PDSS2: variants seen among roughly 807,000 people sequenced by gnomAD.
PDSS2 encodes decaprenyl diphosphate synthase subunit 2, also known as all trans-polyprenyl-diphosphate synthase PDSS2.
PDSS2 carries 31 observed loss-of-function variants against 44.5 expected under a neutral mutation model. The ratio of observed to expected loss-of-function variants is 0.70; its 90% CI spans 0.52 to 0.94. The LOEUF is 0.94. Among genes scored for constraint, PDSS2 ranks in the 40% least tolerant of loss-of-function variants. The probability of loss-of-function intolerance (pLI) is 0.00; values close to 1 mark genes in which losing one functional copy is unlikely to be tolerated. For missense variants in PDSS2, 452 were observed against 482.2 expected, an observed-to-expected ratio of 0.94 and a Z score of 0.59; for synonymous variants, 157 against 180.3, an observed-to-expected ratio of 0.87 and a Z score of 1.03.
chr6:107,363,612 G>C (rs1778854474), intron 1 of PDSS2, among the ~76,000 whole-genome samples: 1 of 152,208 alleles, frequency 6.6e-6, no homozygotes, highest in Admixed American at 6.5e-5. Context: ...AGTAGCAAGA[G>C]TTATTGCAAA....
chr6:107,319,007 T>TAC (rs139943860), intron 2 of PDSS2, among the ~76,000 whole-genome samples: 101,632 of 147,346 alleles, frequency 0.69, 36,088 homozygotes, highest in Middle Eastern at 0.78. Context: ...TATATATATA[T>TAC]ACACACACAC....
At chr6:107,203,852 T>C (rs1249976119) in intron 6 of PDSS2, among the ~76,000 whole-genome samples, 1 of 152,110 alleles carries the variant, frequency 6.6e-6, no homozygotes, top group Non-Finnish European at 1.5e-5. Flanking sequence ...ACCAGTCTTT[T>C]TTCTGTCTCT....
At chr6:107,321,116 A>G (rs188442095) in intron 2 of PDSS2, among the ~76,000 whole-genome samples, 194 of 152,352 alleles carry the variant, frequency 1.3e-3, no homozygotes, top group Non-Finnish European at 2.1e-3. Context: ...AGAAAACTCT[A>G]TATGTGTTAG....
At chr6:107,246,490 A>G (rs1260059492) in intron 3 of PDSS2, among the ~76,000 whole-genome samples, 1 of 152,212 alleles carries the variant, frequency 6.6e-6, no homozygotes, top group Non-Finnish European at 1.5e-5. Context: ...GCAGTCCTGT[A>G]TCAGATTTCC....
intron 3 of PDSS2, among the ~76,000 whole-genome samples, chr6:107,262,447 G>C (rs1165936773): frequency 6.6e-6 from 1 of 151,998 alleles, no homozygotes; most frequent in Non-Finnish European, 1.5e-5. Flanking sequence ...AGAAACATCA[G>C]AGGAAAGCAA....
chr6:107,275,110 A>T (rs986780822), intron 2 of PDSS2, among the ~76,000 whole-genome samples: 1 of 152,186 alleles, frequency 6.6e-6, no homozygotes, highest in Non-Finnish European at 1.5e-5. Context: ...TAATATAGAG[A>T]AGGCCCCTGA....
At chr6:107,168,964 C>A (rs1264805838) in intron 7 of PDSS2, among the ~76,000 whole-genome samples, 2 of 152,050 alleles carry the variant, frequency 1.3e-5, no homozygotes, top group Non-Finnish European at 2.9e-5. Context: ...CTTGGAGTTG[C>A]TCTTCTCGAG....
chr6:107,347,181 T>C (rs1778273375), intron 1 of PDSS2, among the ~76,000 whole-genome samples: 1 of 151,810 alleles, frequency 6.6e-6, no homozygotes, highest in East Asian at 1.9e-4. Flanking sequence ...TATGGCCCTG[T>C]GCCCTTCCGG....
chr6:107,217,481 G>A (rs1773451226), intron 4 of PDSS2, among the ~76,000 whole-genome samples: 1 of 151,924 alleles, frequency 6.6e-6, no homozygotes, highest in African/African-American at 2.4e-5. Flanking sequence ...GCAAGGAAAT[G>A]GATTTTCCAA....
chr6:107,397,828 A>C (rs186301639), intron 1 of PDSS2, among the ~76,000 whole-genome samples: 5 of 152,306 alleles, frequency 3.3e-5, no homozygotes, highest in Non-Finnish European at 7.4e-5. Flanking sequence ...ATACCTAATG[A>C]CTTTTTCTAA....
intron 3 of PDSS2, among the ~76,000 whole-genome samples, chr6:107,254,003 A>G (rs1008666538): frequency 1.3e-5 from 2 of 151,512 alleles, no homozygotes; most frequent in African/African-American, 4.8e-5. Flanking sequence ...ATCTCTATGA[A>G]GCAATTTTCT....
intron 1 of PDSS2, among the ~76,000 whole-genome samples, chr6:107,390,216 G>A (rs773647631): frequency 6.6e-6 from 1 of 152,076 alleles, no homozygotes; most frequent in Admixed American, 6.6e-5. Context: ...ATGAGGTATG[G>A]GGATAACATT....
At position 107,210,327 on chromosome 6, in the gene PDSS2, C is replaced by T. The variant is rs775302457; in HGVS notation, c.1008+112G>A. The T allele has an allele frequency of 6.9e-5, 55 of 800,498 alleles. 1 individual carries two copies. The highest frequency in any genetic ancestry group is 3.8e-4 in the Admixed American group (19 of 50,110). 49.6% of individuals were successfully genotyped at this position (800,498 alleles called of 1,614,324 possible). A position where few individuals can be genotyped will look rare whatever the true frequency, so the allele number is the denominator to read the frequency against. Reference sequence around the variant, plus strand: ...TACAAAGAAAGGATTTTACCTGTTACGTGAATATGCCTAAGGCTCATCTAT... The same window carrying T: ...TACAAAGAAAGGATTTTACCTGTTATGTGAATATGCCTAAGGCTCATCTAT... On this transcript the variant is annotated intron_variant, in intron 6 of 7. Coordinates refer to ENST00000369037, the MANE Select transcript of PDSS2 (RefSeq NM_020381.4).
At chr6:107,330,043 C>T (rs1777665574) in intron 2 of PDSS2, among the ~76,000 whole-genome samples, 1 of 151,012 alleles carries the variant, frequency 6.6e-6, no homozygotes, top group African/African-American at 2.4e-5. Flanking sequence ...TTGCTGCTGT[C>T]AACAGATAAA....
At chr6:107,282,378 G>C (rs911261310) in intron 2 of PDSS2, among the ~76,000 whole-genome samples, 1 of 151,936 alleles carries the variant, frequency 6.6e-6, no homozygotes, top group Non-Finnish European at 1.5e-5. Flanking sequence ...CTTCACAGGA[G>C]CCATGTCAGC....
At chr6:107,225,151 A>ATATATT (rs1198735339) in intron 4 of PDSS2, among the ~76,000 whole-genome samples, 88 of 51,376 alleles carry the variant, frequency 1.7e-3, no homozygotes, top group East Asian at 3.7e-3. Flanking sequence ...ATATATATAT[A>ATATATT]TATATATATA....
intron 4 of PDSS2, among the ~76,000 whole-genome samples, chr6:107,242,535 C>G (rs141115875): frequency 2.6e-5 from 4 of 151,484 alleles, no homozygotes; most frequent in African/African-American, 7.3e-5. Flanking sequence ...TGAGCCACCA[C>G]GCCTGGCCAA....
intron 3 of PDSS2, among the ~76,000 whole-genome samples, chr6:107,249,136 A>C (rs1273449336): frequency 6.6e-6 from 1 of 152,198 alleles, no homozygotes. Context: ...TAATGGTACT[A>C]AGTTGGCCAT....
At position 107,459,073 on chromosome 6, in the gene PDSS2, G is replaced by A; in HGVS notation, c.213C>T (p.Cys71=). 6.2e-7 allele frequency: 1 copy of A among 1,614,128 alleles called. No homozygotes were observed. The highest frequency in any genetic ancestry group is 8.5e-7 in the Non-Finnish European group (1 of 1,180,000). Residue 71 remains cysteine (C), a synonymous_variant, in exon 1 of 8, where the codon TGC becomes TGT. Transcript: ENST00000369037. This position sits in a 1 kb window ranked among gnomAD's most constrained non-coding sequence, Gnocchi z 4.3. Reference sequence around the variant, plus strand: ...TGTTGCTGAGCTCGTCGCTCAGCAGGCAGCGAAGGCTCATGAAGGACGTGG... The same window carrying A: ...TGTTGCTGAGCTCGTCGCTCAGCAGACAGCGAAGGCTCATGAAGGACGTGG... ...GYPTSFMSLR[C]LLSDELSNIA...
Sources: gnomAD v4.1 joint callset for allele counts (sites outside exome capture counted in the v4.1 genomes callset) on GRCh38, gnomAD v4.1.1 for gene constraint, Gnocchi (gnomAD v3.1) non-coding constraint, MANE v1.5 for transcripts, NCBI Gene and HGNC (gene_info 2026-07-23, HGNC 2026-07-21) for gene names.